LINGO2: variants seen among roughly 807,000 people sequenced by gnomAD.
LINGO2 encodes leucine-rich repeat and immunoglobulin-like domain-containing nogo receptor-interacting protein 2.
A neutral mutation model predicts 30.6 loss-of-function variants in LINGO2; 14 were observed. That is an observed-to-expected ratio of 0.46 (90% CI 0.30 to 0.72). The LOEUF is 0.72. Ranked by LOEUF, LINGO2 falls within the 30% of genes least tolerant of loss-of-function variation. The pLI, the probability that LINGO2 is intolerant of heterozygous loss-of-function variation, is 0.07. For missense variants in LINGO2, 729 were observed against 751.7 expected (o/e 0.97, Z 0.35); for synonymous variants, 317 against 288.5 (o/e 1.10, Z -1.00).
the LINGO2 span, among the ~76,000 whole-genome samples, chr9:29,062,201 G>A: frequency 6.6e-6 from 1 of 152,048 alleles, no homozygotes. Context: ...GTGTTGGTAA[G>A]GATGTAGAGA....
chr9:28,564,705 C>A (rs56800766), intron 1 of LINGO2, among the ~76,000 whole-genome samples: 153 of 152,198 alleles, frequency 1.0e-3, no homozygotes, highest in African/African-American at 3.5e-3. Context: ...TAACATTAGA[C>A]CTATGCTTGC....
chr9:28,748,227 A>G, the LINGO2 span, among the ~76,000 whole-genome samples: 2 of 152,018 alleles, frequency 1.3e-5, no homozygotes, highest in Admixed American at 1.3e-4. Context: ...ACACTAATAA[A>G]TTACAGACTC....
the LINGO2 span, among the ~76,000 whole-genome samples, chr9:29,063,294 TCAGA>T: frequency 2.6e-5 from 4 of 152,160 alleles, no homozygotes; most frequent in South Asian, 8.3e-4. Context: ...GTGGTTTCAA[TCAGA>T]CAGTGTACTG....
chr9:28,497,032 C>T (rs1486256113), intron 1 of LINGO2, among the ~76,000 whole-genome samples: 3 of 152,176 alleles, frequency 2.0e-5, no homozygotes, highest in Non-Finnish European at 4.4e-5. Flanking sequence ...AGATCCGCAG[C>T]TAGTCTGCTG....
chr9:28,724,482 C>T, the LINGO2 span, among the ~76,000 whole-genome samples: 9 of 152,134 alleles, frequency 5.9e-5, no homozygotes, highest in Non-Finnish European at 8.8e-5. Flanking sequence ...AACCTCTGAA[C>T]TGTACAGCTA....
chr9:28,700,956 T>G, the LINGO2 span, among the ~76,000 whole-genome samples: 1 of 152,120 alleles, frequency 6.6e-6, no homozygotes, highest in Admixed American at 6.6e-5. Context: ...GTATATTTTC[T>G]TTGGTGAGGA....
chr9:28,693,892 G>A, the LINGO2 span, among the ~76,000 whole-genome samples: 1 of 151,952 alleles, frequency 6.6e-6, no homozygotes, highest in African/African-American at 2.4e-5. Flanking sequence ...CTTACTGGAA[G>A]TCATACACAA....
chr9:28,969,391 G>T, the LINGO2 span, among the ~76,000 whole-genome samples: 9 of 152,294 alleles, frequency 5.9e-5, no homozygotes, highest in South Asian at 1.9e-3. Flanking sequence ...TGGTAACTGA[G>T]ACTGAAGCAG....
chr9:28,997,815 T>A, the LINGO2 span, among the ~76,000 whole-genome samples: 2 of 115,416 alleles, frequency 1.7e-5, no homozygotes, highest in Non-Finnish European at 3.7e-5. Flanking sequence ...AGAGCAAGAC[T>A]CTGTCTCAAA....
At chr9:28,727,412 A>G in the LINGO2 span, among the ~76,000 whole-genome samples, 2 of 152,002 alleles carry the variant, frequency 1.3e-5, no homozygotes, top group East Asian at 3.9e-4. Context: ...CAGCCTCCCG[A>G]GTAGCTGGGA....
the LINGO2 span, among the ~76,000 whole-genome samples, chr9:29,186,182 A>C: frequency 9.2e-5 from 14 of 152,268 alleles, no homozygotes; most frequent in African/African-American, 3.4e-4. Context: ...ACTATTCTCA[A>C]ACTGTAGATA....
chr9:29,200,062 AC>A, the LINGO2 span, among the ~76,000 whole-genome samples: 1 of 152,124 alleles, frequency 6.6e-6, no homozygotes, highest in African/African-American at 2.4e-5. Flanking sequence ...AAAAGCTATT[AC>A]AGAAATAGGA....
the LINGO2 span, among the ~76,000 whole-genome samples, chr9:28,728,209 G>T: frequency 6.6e-6 from 1 of 152,012 alleles, no homozygotes; most frequent in African/African-American, 2.4e-5. Context: ...ACTGCCTCTG[G>T]CACAGGAAAG....
At chr9:28,546,989 G>A (rs916717240) in intron 1 of LINGO2, among the ~76,000 whole-genome samples, 2 of 152,034 alleles carry the variant, frequency 1.3e-5, no homozygotes, top group African/African-American at 4.8e-5. Context: ...TTTCAGAACT[G>A]CAGGAAAAAT....
chr9:28,321,059 T>C (rs1825023214), intron 3 of LINGO2, among the ~76,000 whole-genome samples: 1 of 91,856 alleles, frequency 1.1e-5, no homozygotes, highest in South Asian at 4.8e-4. Context: ...TTTTTGTTAA[T>C]TTTTTTTAAA....
chr9:28,300,159 A>C (rs1172715503), intron 3 of LINGO2, among the ~76,000 whole-genome samples: 1 of 151,762 alleles, frequency 6.6e-6, no homozygotes, highest in Non-Finnish European at 1.5e-5. Context: ...ACACAAAGAG[A>C]AGACTGTGTT....
In LINGO2 at chr9:28,538,314, C is replaced by G. The variant is rs192841884; in HGVS notation, c.-364-62289G>C. 2.5e-3 allele frequency among the ~76,000 whole-genome samples: 374 copies of G among 151,888 alleles called. 3 individuals carry two copies. The highest frequency in any genetic ancestry group is 8.0e-3 in the African/African-American group (332 of 41,496). The stretch of plus-strand genomic sequence containing the variant: ...AAGTATTGATAATGATGAATTCTGA[C>G]GTCATAAATTCAAAATATAGATATG... On this transcript the variant is annotated intron_variant, in intron 1 of 5. Coordinates refer to ENST00000379992, the Ensembl canonical transcript of LINGO2.
chr9:28,145,175 A>T (rs1442408732), intron 4 of LINGO2, among the ~76,000 whole-genome samples: 1 of 152,162 alleles, frequency 6.6e-6, no homozygotes, highest in Non-Finnish European at 1.5e-5. Flanking sequence ...TTCTGCTCTT[A>T]TGTGGGTTCA....
chr9:29,049,431 C>A, the LINGO2 span, among the ~76,000 whole-genome samples: 2 of 152,124 alleles, frequency 1.3e-5, no homozygotes, highest in Non-Finnish European at 2.9e-5. Context: ...ACCACATGGT[C>A]CAACAATCCC....
Sources: allele counts gnomAD v4.1 joint callset (sites outside exome capture counted in the v4.1 genomes callset), GRCh38; gene constraint gnomAD v4.1.1; transcripts MANE v1.5; gene names NCBI Gene and HGNC (gene_info 2026-07-23, HGNC 2026-07-21).